TMC6: variants seen among roughly 807,000 people sequenced by gnomAD.
TMC6 encodes transmembrane channel like 6.
TMC6 carries 71 observed loss-of-function variants against 95.4 expected under a neutral mutation model. The ratio of observed to expected loss-of-function variants is 0.74; its 90% CI spans 0.61 to 0.91. TMC6 has a LOEUF of 0.91. TMC6 is among the 40% of genes least tolerant of loss of function. The probability of loss-of-function intolerance (pLI) is 0.00; values close to 1 mark genes in which losing one functional copy is unlikely to be tolerated. For synonymous variants in TMC6, 514 were observed against 483.1 expected, an observed-to-expected ratio of 1.06 and a Z score of -0.84; for missense variants, 1,074 against 1,079.1, an observed-to-expected ratio of 1.00 and a Z score of 0.07.
At chr17:78,113,475 A>G in intron 19 of TMC6, 73 bp downstream of exon 19, 1 of 1,540,208 alleles carries the variant, frequency 6.5e-7, no homozygotes, top group Non-Finnish European at 9.0e-7. Flanking sequence ...CCCCAGTGGC[A>G]GCCCTACTGT....
In TMC6 at chr17:78,117,297, A is replaced by G. The variant is rs751273166; in HGVS notation, c.2249T>C (p.Ile750Thr). The stretch of plus-strand genomic sequence containing the variant: ...GCTGATCTGCTCCTTGAGCAGGCAG[A>G]TGACCTTGCGCTGGCCCCGCACCAC... Reference protein sequence around the residue: ...IQVVRGQRKVICLLKEQISNE... With the variant: ...IQVVRGQRKVTCLLKEQISNE... The change falls in exon 18 of 20, where the codon ATC becomes ACC. Residue 750 changes from isoleucine (I) to threonine (T), a missense_variant. By Grantham distance (89) the Ile-to-Thr change is moderately conservative. Coordinates refer to ENST00000590602, the MANE Select transcript of TMC6 (RefSeq NM_001127198.5). The G allele has an allele frequency of 6.2e-7, 1 of 1,613,460 alleles. No homozygotes were observed. Among genetic ancestry groups the G allele is most frequent in the Non-Finnish European group, 8.5e-7 (1 of 1,179,974 alleles).
At chr17:78,116,919 C>T (rs1166682437) in intron 18 of TMC6, among the ~76,000 whole-genome samples, 1 of 152,208 alleles carries the variant, frequency 6.6e-6, no homozygotes, top group Admixed American at 6.5e-5. Flanking sequence ...CAACCTTAAT[C>T]CACCTGTTTG....
chr17:78,125,623 T>A, intron 5 of TMC6, 103 bp downstream of exon 5: 1 of 1,494,112 alleles, frequency 6.7e-7, no homozygotes, highest in Non-Finnish European at 9.0e-7. Flanking sequence ...GAGAGGGGCC[T>A]CTGGCTCTGC....
intron 15 of TMC6, among the ~76,000 whole-genome samples, chr17:78,118,417 G>A (rs540242222): frequency 6.4e-4 from 97 of 152,324 alleles, no homozygotes; most frequent in Non-Finnish European, 8.5e-4. Flanking sequence ...TTAGCTGGGT[G>A]TGGTGGCGGG....
At position 78,109,544 on chromosome 17, in the gene TMC6, T is replaced by C. The variant is rs1237606257; in HGVS notation, c.*3604A>G. On this transcript the variant is annotated 3_prime_UTR_variant, in exon 20 of 20. Coordinates refer to ENST00000590602, the MANE Select transcript of TMC6 (RefSeq NM_001127198.5). ...CACTCAGGAGGCTGAGGCGGGAGGA[T>C]CACCTGAGCCCAGGAGGTCGAGGCT... The C allele has an allele frequency of 2.2e-6, 1 of 456,336 alleles. No individual in the cohort carries two copies. Among genetic ancestry groups the C allele is most frequent in the Non-Finnish European group, 4.4e-6 (1 of 226,900 alleles). The allele number at this position is 456,336 out of a possible 1,614,324, so 28.3% of individuals were successfully genotyped here.
chr17:78,113,232 T>A (rs766611443), intron 19 of TMC6, 21 bp from the exon 20 acceptor site: 14 of 1,549,278 alleles, frequency 9.0e-6, no homozygotes, highest in Non-Finnish European at 1.2e-5. Flanking sequence ...GAGACATCAC[T>A]GAGGGGACCC....
At position 78,108,943 on chromosome 17, in the gene TMC6, C is replaced by A; in HGVS notation, c.*4205G>T. The A allele has an allele frequency of 6.3e-6, 1 of 159,712 alleles. No homozygotes were observed. Among genetic ancestry groups the A allele is most frequent in the Admixed American group, 5.9e-5 (1 of 17,044 alleles). 9.9% of individuals were successfully genotyped at this position (159,712 alleles called of 1,614,324 possible). A position where few individuals can be genotyped will look rare whatever the true frequency, so the allele number is the denominator to read the frequency against. ...GCAACCTTGACCTCAAGGTTAAGCT[C>A]CAGCGATCTTCCGACCTCAGCCTCC... On this transcript the variant is annotated 3_prime_UTR_variant, in exon 20 of 20. Transcript: ENST00000590602.
chr17:78,119,724 T>A (rs2074314965), intron 13 of TMC6: 2 of 414,242 alleles, frequency 4.8e-6, no homozygotes, highest in Admixed American at 6.7e-5. Context: ...AGCCTTGACC[T>A]CCTGGGATCA....
intron 1 of TMC6, among the ~76,000 whole-genome samples, chr17:78,127,282 G>C (rs1000892990): frequency 5.3e-5 from 8 of 152,150 alleles, no homozygotes; most frequent in African/African-American, 1.7e-4. Context: ...GGAGAGAAAG[G>C]TCAGAGTAGG....
chr17:78,125,850 G>A lies in TMC6; in HGVS notation c.306C>T (p.Tyr102=), dbSNP rs371786754. The A allele has an allele frequency of 9.7e-6, 15 of 1,551,848 alleles. No homozygotes were observed. The South Asian group carries it at 1.1e-4, about 11-fold the overall frequency. Residue 102 remains tyrosine (Y), a synonymous_variant, in exon 5 of 20, where the codon TAC becomes TAT. Transcript: ENST00000590602. The part of the protein sequence containing the change: ...RSRGAIISQY[Y]NRTVQLRCRS... ...TGCACCGAAGCTGCACCGTGCGGTT[G>A]TAGTACTGGGAGATGATGGCACCTC...
chr17:78,118,383 A>G (rs980916360), intron 15 of TMC6, among the ~76,000 whole-genome samples: 3 of 151,952 alleles, frequency 2.0e-5, no homozygotes, highest in African/African-American at 7.3e-5. Flanking sequence ...GTGAAACCCC[A>G]TCTCTACTAA....
At position 78,122,419 on chromosome 17, in the gene TMC6, G is replaced by A; in HGVS notation, c.1227+186C>T. 1.2e-6 allele frequency: 1 copy of A among 858,028 alleles called. No individual in the cohort carries two copies. Among genetic ancestry groups the A allele is most frequent in the Non-Finnish European group, 1.8e-6 (1 of 568,690 alleles). The allele number at this position is 858,028 out of a possible 1,614,324, so 53.2% of individuals were successfully genotyped here. A position where few individuals can be genotyped will look rare whatever the true frequency, so the allele number is the denominator to read the frequency against. On this transcript the variant is annotated intron_variant, in intron 10 of 19. Transcript: ENST00000590602. This position sits in a 1 kb window ranked among gnomAD's most constrained non-coding sequence, Gnocchi z 4.9. The stretch of plus-strand genomic sequence containing the variant: ...GCCCCTAACTGATGGGTGTGTGCCA[G>A]AGAAAAACTCAGGGCCTGCCCGTCA...
rs750626058 is a variant in TMC6, at chr17:78,109,697, C to G, written c.*3451G>C. On this transcript the variant is annotated 3_prime_UTR_variant, in exon 20 of 20. Transcript: ENST00000590602. Reference sequence around the variant, plus strand: ...CGTGAGTGCATGCATGCGTTTGTGACAGCCTGGTGCTCGGATGGGCCCAGA... The same window carrying G: ...CGTGAGTGCATGCATGCGTTTGTGAGAGCCTGGTGCTCGGATGGGCCCAGA... 5.2e-6 allele frequency: 2 copies of G among 381,746 alleles called. No individual in the cohort carries two copies. The highest frequency in any genetic ancestry group is 1.1e-5 in the Non-Finnish European group (2 of 188,026). The allele number at this position is 381,746 out of a possible 1,614,324, so 23.6% of individuals were successfully genotyped here.
chr17:78,120,286 A>C (rs1170450716), intron 13 of TMC6: 6 of 372,850 alleles, frequency 1.6e-5, no homozygotes. Flanking sequence ...CTGCCTCCCG[A>C]GTAGCTGGGA....
chr17:78,123,696 TGGG>T (rs950028346), intron 9 of TMC6, among the ~76,000 whole-genome samples: 10 of 114,240 alleles, frequency 8.8e-5, no homozygotes, highest in Non-Finnish European at 5.2e-5. Flanking sequence ...AGTGGGTGGA[TGGG>T]GGGGTGAATT....
chr17:78,119,866 T>G (rs909735752), intron 13 of TMC6: 14 of 339,784 alleles, frequency 4.1e-5, no homozygotes, highest in African/African-American at 3.1e-4. Flanking sequence ...GAGGCTGGTC[T>G]CAAACTCCTG....
Position 78,116,718 on chromosome 17 carries a change from G to A in TMC6, c.2277+551C>T, listed in dbSNP as rs116772547. ...CAACACAGTGAAACTGCATCTGTACGAAAAACACAAAAAAGTAGCCGGAGT... is the reference window on the plus strand; with the variant it reads ...CAACACAGTGAAACTGCATCTGTACAAAAAACACAAAAAAGTAGCCGGAGT... On this transcript the variant is annotated intron_variant, in intron 18 of 19. Coordinates refer to ENST00000590602, the MANE Select transcript of TMC6 (RefSeq NM_001127198.5). 4.1e-3 allele frequency among the ~76,000 whole-genome samples: 621 copies of A among 152,204 alleles called. 7 individuals are homozygous for A. Among genetic ancestry groups the A allele is most frequent in the African/African-American group, 0.014 (566 of 41,530 alleles).
upstream of TMC6, among the ~76,000 whole-genome samples, chr17:78,129,116 G>GCCC (rs759690776): frequency 1.7e-5 from 2 of 115,562 alleles, no homozygotes; most frequent in Non-Finnish European, 3.7e-5. This position sits in a 1 kb window ranked among gnomAD's most constrained non-coding sequence, Gnocchi z 4.3. Context: ...ATTGGGCAGC[G>GCCC]CCCCCCCCCC....
At chr17:78,125,582 G>A (rs1275916871) in intron 5 of TMC6, 144 bp downstream of exon 5, 2 of 1,293,318 alleles carry the variant, frequency 1.5e-6, no homozygotes, top group Non-Finnish European at 2.1e-6. Context: ...AGAGGGACGG[G>A]GGGGCCTTCA....
Sources: gnomAD v4.1 joint callset for allele counts (sites outside exome capture counted in the v4.1 genomes callset) on GRCh38, gnomAD v4.1.1 for gene constraint, Gnocchi (gnomAD v3.1) non-coding constraint, MANE v1.5 for transcripts, NCBI Gene and HGNC (gene_info 2026-07-23, HGNC 2026-07-21) for gene names.